The following TTLL6 variants were observed in gnomAD, a reference collection of about 807,000 sequenced individuals.
The protein encoded by TTLL6 is tubulin polyglutamylase TTLL6.
In TTLL6, 75 loss-of-function variants were observed where a neutral mutation model predicts 96.4. That is an observed-to-expected ratio of 0.78 (90% confidence interval 0.65 to 0.94). The LOEUF (loss-of-function observed/expected upper bound fraction) is 0.94. TTLL6 is among the 40% of genes least tolerant of loss of function. The pLI, the probability that TTLL6 is intolerant of heterozygous loss-of-function variation, is 0.00. For missense variants in TTLL6, 1,030 were observed against 1,093.0 expected (o/e 0.94, Z 0.81); for synonymous variants, 411 against 419.4 (o/e 0.98, Z 0.24).
intron 12 of TTLL6, 108 bp from the exon 13 acceptor site, chr17:48,785,309 G>A: frequency 1.3e-6 from 2 of 1,500,202 alleles, no homozygotes; most frequent in Non-Finnish European, 1.8e-6. Flanking sequence ...GAGAAGGAAA[G>A]CAGTCGATAG....
intron 10 of TTLL6, among the ~76,000 whole-genome samples, chr17:48,788,557 G>C (rs654979): frequency 0.11 from 17,007 of 152,128 alleles, 1,208 homozygotes; most frequent in Non-Finnish European, 0.16. Context: ...TTCGGAGAAG[G>C]CCCTTAACCT....
intron 13 of TTLL6, among the ~76,000 whole-genome samples, chr17:48,781,341 C>T (rs1308480992): frequency 6.6e-6 from 1 of 152,162 alleles, no homozygotes; most frequent in East Asian, 1.9e-4. Flanking sequence ...GCCACTGCAC[C>T]TAGCCCTATT....
At chr17:48,809,212 G>C (rs1012111930) in intron 1 of TTLL6, among the ~76,000 whole-genome samples, 1 of 152,208 alleles carries the variant, frequency 6.6e-6, no homozygotes, top group African/African-American at 2.4e-5. Context: ...AGAGCAGGGG[G>C]AGGAAGAGAT....
chr17:48,794,907 C>T (rs547292503), intron 8 of TTLL6, among the ~76,000 whole-genome samples: 12 of 152,298 alleles, frequency 7.9e-5, no homozygotes, highest in Admixed American at 7.8e-4. Context: ...GCTGCGGGAC[C>T]TGGGGCAACT....
intron 8 of TTLL6, among the ~76,000 whole-genome samples, chr17:48,793,491 G>C (rs965472253): frequency 6.6e-6 from 1 of 152,066 alleles, no homozygotes; most frequent in Non-Finnish European, 1.5e-5. Context: ...TACTTGAGAG[G>C]CTGAGGCAAG....
intron 3 of TTLL6, 106 bp downstream of exon 3, chr17:48,803,785 A>C: frequency 8.6e-7 from 1 of 1,159,052 alleles, no homozygotes; most frequent in Non-Finnish European, 1.2e-6. Flanking sequence ...ACAGGATTTG[A>C]AGATACGCCC....
Position 48,797,787 on chromosome 17 carries a change from CAAAAAAAAAAAAAAA to C in TTLL6, c.769-598_769-584del, listed in dbSNP as rs58265844. 9.7e-3 allele frequency among the ~76,000 whole-genome samples: 569 copies of C among 58,654 alleles called. 12 individuals carry two copies. Among genetic ancestry groups the C allele is most frequent in the African/African-American group, 0.035 (548 of 15,884 alleles). The allele number at this position is 58,654 out of a possible 152,430, so 38.5% of individuals were successfully genotyped here. On this transcript the variant is annotated intron_variant, in intron 6 of 15. Coordinates refer to ENST00000393382, the MANE Select transcript of TTLL6 (RefSeq NM_001130918.3). ...TGGGCGAAAGAGCAAAACTCCATCT[CAAAAAAAAAAAAAAA>C]AAAAAAAAGTCCTCTGATGGGCCAG...
intron 5 of TTLL6, chr17:48,800,000 C>T (rs1300465354): frequency 5.8e-6 from 3 of 514,264 alleles, no homozygotes; most frequent in Non-Finnish European, 1.0e-5. Flanking sequence ...GTGGTGCAAC[C>T]CTTTGCAAGG....
chr17:48,805,829 G>C (rs1405551193), intron 1 of TTLL6, among the ~76,000 whole-genome samples: 1 of 151,992 alleles, frequency 6.6e-6, no homozygotes. Context: ...AAAAAAAAAG[G>C]CTAGGCGCAG....
chr17:48,764,631 T>G (rs953258), intron 15 of TTLL6, among the ~76,000 whole-genome samples: 1 of 151,976 alleles, frequency 6.6e-6, no homozygotes, highest in Non-Finnish European at 1.5e-5. Context: ...TCAACCATTA[T>G]TTATTGTGCA....
At chr17:48,775,832 C>A (rs911777233) in intron 13 of TTLL6, among the ~76,000 whole-genome samples, 3 of 152,096 alleles carry the variant, frequency 2.0e-5, no homozygotes, top group Admixed American at 2.0e-4. Context: ...TGAGCCACTG[C>A]ACCTAGCCTC....
intron 8 of TTLL6, among the ~76,000 whole-genome samples, chr17:48,792,640 C>G (rs1054708203): frequency 1.3e-5 from 2 of 152,140 alleles, no homozygotes; most frequent in Non-Finnish European, 2.9e-5. Context: ...GAAACTGTCA[C>G]CTCTGTCATG....
chr17:48,810,825 G>GTGTATA (rs368085735), intron 1 of TTLL6, among the ~76,000 whole-genome samples: 1,299 of 84,326 alleles, frequency 0.015, 61 homozygotes, highest in African/African-American at 0.02. Flanking sequence ...GTATGTGTGT[G>GTGTATA]TATATATATA....
Position 48,787,864 on chromosome 17 carries a change from G to T in TTLL6, c.1536C>A (p.Asn512Lys), listed in dbSNP as rs751568509. 6.2e-7 allele frequency: 1 copy of T among 1,614,220 alleles called. No individual in the cohort carries two copies. Among genetic ancestry groups the T allele is most frequent in the South Asian group, 1.1e-5 (1 of 91,082 alleles). ...SEKYEKFFQDNNSLFQNTVAS... is the reference protein window; with the variant it reads ...SEKYEKFFQDKNSLFQNTVAS... ...CAACAGTATTCTGGAAGAGGGAGTT[G>T]TTGTCCTGGAAAAACTTCTCATACT... Residue 512 changes from asparagine (N) to lysine (K), a missense_variant, in exon 11 of 16, where the codon AAC becomes AAA. Physicochemically the swap from Asn to Lys is moderately conservative, Grantham distance 94. Transcript: ENST00000393382.
At position 48,801,382 on chromosome 17, in the gene TTLL6, T is replaced by A. The variant is rs1234962947; in HGVS notation, c.484A>T (p.Ile162Phe). 3 of 1,551,456 alleles carry A rather than the reference T, an allele frequency of 1.9e-6. No individual in the cohort carries two copies. In the African/African-American group the frequency reaches 4.1e-5, roughly 21 times the overall value. Residue 162 changes from isoleucine (I) to phenylalanine (F), a missense_variant, in exon 5 of 16, where the codon ATC becomes TTC. Transcript: ENST00000393382. The stretch of plus-strand genomic sequence containing the variant: ...TCACTCATCCCGGGGAAGTGATTGA[T>A]CTTCTGGAAGGGAAGCCGGAATTCA... The part of the protein sequence containing the change: ...RVMEMKSYQK[I>F]NHFPGMSEIC...
At position 48,777,685 on chromosome 17, in the gene TTLL6, C is replaced by T. The variant is rs2038902809; in HGVS notation, c.2040+7238G>A. On this transcript the variant is annotated intron_variant, in intron 13 of 15. Coordinates refer to ENST00000393382, the MANE Select transcript of TTLL6 (RefSeq NM_001130918.3). ...GGCAGAAGTTGCAATGAGCTGAGGT[C>T]GTGCCATTGCACTCAAGCCTGGGCG... Among the ~76,000 whole-genome samples the T allele has an allele frequency of 2.0e-5, 3 of 149,470 alleles. No homozygotes were observed. In the South Asian group the frequency reaches 6.3e-4, roughly 32 times the overall value.
chr17:48,787,825 C>A lies in TTLL6; in HGVS notation c.1575G>T (p.Arg525=), dbSNP rs146000914. The A allele has an allele frequency of 1.7e-5, 27 of 1,613,904 alleles. No homozygotes were observed. The highest frequency in any genetic ancestry group is 1.9e-5 in the Non-Finnish European group (22 of 1,179,938). ...TGTCTTCCTACCGGGCATACTCCTC[C>A]CGAGCCCTGGAAGCAACAGTATTCT... ...LFQNTVASRA[R]EEYARQLIQE... The change falls in exon 11 of 16, where the codon CGG becomes CGT. Residue 525 remains arginine, a synonymous_variant. Coordinates refer to ENST00000393382, the MANE Select transcript of TTLL6 (RefSeq NM_001130918.3).
intron 13 of TTLL6, among the ~76,000 whole-genome samples, chr17:48,779,418 C>T (rs1033095930): frequency 9.5e-5 from 14 of 147,776 alleles, no homozygotes; most frequent in East Asian, 2.0e-4. Context: ...TATGGAGCTA[C>T]GGAGCAACTG....
intron 1 of TTLL6, among the ~76,000 whole-genome samples, chr17:48,811,440 A>G (rs1025103596): frequency 6.6e-6 from 1 of 152,040 alleles, no homozygotes; most frequent in East Asian, 1.9e-4. Context: ...TATGTTGCCC[A>G]GGCTGGTCTC....
Sources: gnomAD v4.1 joint callset for allele counts (sites outside exome capture counted in the v4.1 genomes callset) on GRCh38, gnomAD v4.1.1 for gene constraint, MANE v1.5 for transcripts, NCBI Gene and HGNC (gene_info 2026-07-23, HGNC 2026-07-21) for gene names.